Variants in ADGRL4 observed in about 807,000 individuals in gnomAD.
ADGRL4 encodes adhesion G protein-coupled receptor L4.
Under a neutral mutation model 74.8 loss-of-function variants are expected in ADGRL4, and 90 were observed. The ratio of observed to expected loss-of-function variants is 1.20; its 90% CI spans 1.02 to 1.43. ADGRL4 has a LOEUF of 1.43. Ranked by LOEUF, ADGRL4 falls within the 40% of genes most tolerant of loss-of-function variation. The pLI is 0.00. For missense variants in ADGRL4, 881 were observed against 814.3 expected, an observed-to-expected ratio of 1.08 and a Z score of -1.00; for synonymous variants, 311 against 279.2, an observed-to-expected ratio of 1.11 and a Z score of -1.14.
In ADGRL4 at chr1:78,893,522, G is replaced by C. The variant is rs1283489515; in HGVS notation, c.1750-333C>G. Among the ~76,000 whole-genome samples, 14 of 151,794 alleles carry C rather than the reference G, an allele frequency of 9.2e-5. 1 individual carries two copies. The highest frequency in any genetic ancestry group is 1.9e-4 in the Non-Finnish European group (13 of 67,816). On this transcript the variant is annotated intron_variant, in intron 12 of 14. Transcript: ENST00000370742. ...ATTTTTGTTCAGTAATTTCTATACT[G>C]TTTCTTTGAAGAAATGTGTTAGTGA...
Position 78,939,232 on chromosome 1 carries a change from C to T in ADGRL4, c.352G>A (p.Asp118Asn). ...ATATTTGCAGCTATACAGACATTAT[C>T]TAAATGGCAGTTTGCATTCACATTT... ...IENVNANCHL[D>N]NVCIAANINK... Residue 118 changes from aspartate (D) to asparagine (N), a missense_variant, in exon 4 of 15, where the codon GAT becomes AAT. Physicochemically the swap from Asp to Asn is conservative, Grantham distance 23 (BLOSUM62 1). Coordinates refer to ENST00000370742, the MANE Select transcript of ADGRL4 (RefSeq NM_022159.4). The T allele has an allele frequency of 6.4e-7, 1 of 1,565,376 alleles. No individual in the cohort carries two copies. The highest frequency in any genetic ancestry group is 8.6e-7 in the Non-Finnish European group (1 of 1,158,126).
At chr1:78,917,398 A>T (rs1440706084) in intron 12 of ADGRL4, among the ~76,000 whole-genome samples, 1 of 150,874 alleles carries the variant, frequency 6.6e-6, no homozygotes, top group Non-Finnish European at 1.5e-5. Flanking sequence ...ATATTTAAAA[A>T]GTATTATTAT....
chr1:78,979,047 A>G (rs1650349310), intron 2 of ADGRL4, among the ~76,000 whole-genome samples: 1 of 151,940 alleles, frequency 6.6e-6, no homozygotes, highest in African/African-American at 2.4e-5. Context: ...TTAAACCAGG[A>G]AAATATCACA....
At chr1:78,922,691 T>C (rs1457052915) in intron 8 of ADGRL4, among the ~76,000 whole-genome samples, 1 of 152,014 alleles carries the variant, frequency 6.6e-6, no homozygotes, top group Non-Finnish European at 1.5e-5. Flanking sequence ...GGTTTGACCC[T>C]CATAAACCTT....
At chr1:78,976,172 A>G (rs190589314) in intron 2 of ADGRL4, among the ~76,000 whole-genome samples, 1 of 152,048 alleles carries the variant, frequency 6.6e-6, no homozygotes, top group African/African-American at 2.4e-5. Context: ...ACAAGCAAAA[A>G]CATGAGAGAA....
intron 3 of ADGRL4, among the ~76,000 whole-genome samples, chr1:78,942,544 C>A (rs1649509135): frequency 6.6e-6 from 1 of 152,136 alleles, no homozygotes. Context: ...CTGATTGACC[C>A]ACTTTCCTCA....
intron 7 of ADGRL4, among the ~76,000 whole-genome samples, chr1:78,933,091 C>A (rs1370876593): frequency 1.3e-5 from 2 of 151,442 alleles, no homozygotes; most frequent in Non-Finnish European, 2.9e-5. Context: ...AGCCAGCCAT[C>A]ATCCTGATAC....
chr1:78,936,418 CA>C lies in ADGRL4; in HGVS notation c.761-8del. The C allele has an allele frequency of 6.4e-7, 1 of 1,559,034 alleles. No homozygotes were observed. Among genetic ancestry groups the C allele is most frequent in the South Asian group, 1.2e-5 (1 of 82,938 alleles). On this transcript the variant is annotated splice_polypyrimidine_tract_variant and splice_region_variant and intron_variant, in intron 6 of 14. Coordinates refer to ENST00000370742, the MANE Select transcript of ADGRL4 (RefSeq NM_022159.4). ...AAAAAGAAAACTTTGAGAGCTGAAA[CA>C]AAACCATGAAAATAAAAAAAGTGAA... is the stretch of plus-strand genomic sequence containing the variant.
chr1:78,986,248 A>C (rs1019550070), intron 2 of ADGRL4, among the ~76,000 whole-genome samples: 1 of 151,658 alleles, frequency 6.6e-6, no homozygotes, highest in African/African-American at 2.4e-5. Flanking sequence ...TTGAAAAAAA[A>C]TGTGATTCAT....
intron 12 of ADGRL4, among the ~76,000 whole-genome samples, chr1:78,897,599 CT>C (rs1432238728): frequency 6.6e-6 from 1 of 152,120 alleles, no homozygotes; most frequent in Non-Finnish European, 1.5e-5. Context: ...TGAATAAAGT[CT>C]CCCATGCCAT....
chr1:79,003,728 G>C (rs902621797), intron 2 of ADGRL4, among the ~76,000 whole-genome samples: 45 of 151,954 alleles, frequency 3.0e-4, no homozygotes, highest in African/African-American at 1.1e-3. Context: ...TAACAAAAAG[G>C]TAATGCTGGT....
intron 2 of ADGRL4, among the ~76,000 whole-genome samples, chr1:78,966,335 T>C (rs975934657): frequency 2.0e-5 from 3 of 152,158 alleles, no homozygotes; most frequent in African/African-American, 4.8e-5. Flanking sequence ...CCTAATAAAT[T>C]CCATTATTCT....
At chr1:78,947,912 A>G (rs1044851357) in intron 2 of ADGRL4, among the ~76,000 whole-genome samples, 6 of 152,142 alleles carry the variant, frequency 3.9e-5, no homozygotes, top group African/African-American at 9.7e-5. Flanking sequence ...TAATTCATAT[A>G]CTGGCTATTG....
intron 6 of ADGRL4, among the ~76,000 whole-genome samples, 181 bp downstream of exon 6, chr1:78,937,626 G>C (rs577373873): frequency 1.8e-4 from 27 of 152,294 alleles, no homozygotes; most frequent in Non-Finnish European, 3.4e-4. Flanking sequence ...TTATCCTTTT[G>C]ACTGGTACTT....
At chr1:78,956,545 G>C (rs976551652) in intron 2 of ADGRL4, among the ~76,000 whole-genome samples, 1 of 152,134 alleles carries the variant, frequency 6.6e-6, no homozygotes, top group Non-Finnish European at 1.5e-5. Flanking sequence ...TAAGGCAAGA[G>C]CCTAACACTC....
intron 2 of ADGRL4, among the ~76,000 whole-genome samples, chr1:78,951,849 G>C (rs1484752617): frequency 5.9e-5 from 9 of 152,100 alleles, no homozygotes; most frequent in Non-Finnish European, 8.8e-5. Context: ...ATCATAAAGT[G>C]TACTTCTTAA....
At chr1:78,935,492 C>T (rs561182153) in intron 7 of ADGRL4, among the ~76,000 whole-genome samples, 1 of 151,218 alleles carries the variant, frequency 6.6e-6, no homozygotes, top group Non-Finnish European at 1.5e-5. Flanking sequence ...TGTAACAAAC[C>T]TGCATGCTGT....
intron 12 of ADGRL4, among the ~76,000 whole-genome samples, chr1:78,903,770 C>A (rs1232744126): frequency 6.6e-6 from 1 of 151,588 alleles, no homozygotes; most frequent in Non-Finnish European, 1.5e-5. Flanking sequence ...TCCCTCTCTA[C>A]CTAAAATACA....
intron 2 of ADGRL4, among the ~76,000 whole-genome samples, chr1:78,999,837 T>TATC (rs1650805170): frequency 7.9e-6 from 1 of 126,174 alleles, no homozygotes; most frequent in Admixed American, 7.6e-5. Context: ...TCTATCTATC[T>TATC]ATCTACCTAC....
Sources: gnomAD v4.1 joint callset for allele counts (sites outside exome capture counted in the v4.1 genomes callset) on GRCh38, gnomAD v4.1.1 for gene constraint, MANE v1.5 for transcripts, NCBI Gene and HGNC (gene_info 2026-07-23, HGNC 2026-07-21) for gene names.